The following CENPF variants were observed in gnomAD, a reference collection of about 807,000 sequenced individuals.
CENPF encodes centromere protein F.
A neutral mutation model predicts 307.3 loss-of-function variants in CENPF; 214 were observed. That is an observed-to-expected ratio of 0.70 (90% CI 0.62 to 0.78). The LOEUF is 0.78. CENPF is among the 30% of genes least tolerant of loss of function. The pLI is 0.00. For synonymous variants in CENPF, 1,259 were observed against 1,270.6 expected (o/e 0.99, Z 0.19); for missense variants, 3,401 against 3,483.9 (o/e 0.98, Z 0.60).
chr1:214,608,577 G>A, intron 1 of CENPF: 3 of 1,610,096 alleles, frequency 1.9e-6, no homozygotes, highest in Non-Finnish European at 2.5e-6. Context: ...TGGTGGGGAA[G>A]ACCTCAATGG....
In CENPF at chr1:214,664,084, A is replaced by G; in HGVS notation, c.*290A>G. ...TGTTACAATTAAAATGACAAGCACT[A>G]TATCACAATCTCTGTTTGTATGTGG... On this transcript the variant is annotated 3_prime_UTR_variant, in exon 20 of 20. Transcript: ENST00000366955. The G allele has an allele frequency of 3.9e-6, 1 of 258,780 alleles. No individual in the cohort carries two copies. The highest frequency in any genetic ancestry group is 7.3e-6 in the Non-Finnish European group (1 of 137,598). 16.0% of individuals were successfully genotyped at this position (258,780 alleles called of 1,614,324 possible).
chr1:214,655,352 C>A lies in CENPF; in HGVS notation c.8434C>A (p.Leu2812Met). The A allele has an allele frequency of 6.2e-7, 1 of 1,609,682 alleles. No individual in the cohort carries two copies. The highest frequency in any genetic ancestry group is 1.1e-5 in the South Asian group (1 of 90,068). The change falls in exon 17 of 20, where the codon CTG becomes ATG. Residue 2812 changes from leucine to methionine, a missense_variant. Coordinates refer to ENST00000366955, the MANE Select transcript of CENPF (RefSeq NM_016343.4). ...CKQLEEEKEI[L>M]QKELSQLQAA... is the part of the protein sequence containing the mutation. ...ACAGCTGGAAGAGGAAAAGGAGATA[C>A]TGCAGAAAGAACTCTCTCAACTTCA...
chr1:214,616,901 CTTTCTTTCTTTCTTTCTTTCTTCT>C (rs1558170984), intron 3 of CENPF, among the ~76,000 whole-genome samples: 16 of 70,476 alleles, frequency 2.3e-4, no homozygotes, highest in Admixed American at 4.2e-4. Context: ...TTCTTTCTTT[CTTTCTTTCTTTCTTTCTTTCTTCT>C]TTCTTTCCAC....
chr1:214,651,856 C>G lies in CENPF; in HGVS notation c.8130C>G (p.His2710Gln). The G allele has an allele frequency of 6.2e-7, 1 of 1,608,606 alleles. No individual in the cohort carries two copies. The highest frequency in any genetic ancestry group is 8.5e-7 in the Non-Finnish European group (1 of 1,178,560). The change falls in exon 15 of 20, where the codon CAC becomes CAG. Residue 2710 changes from histidine to glutamine, a missense_variant. Transcript: ENST00000366955. ...QLRLHEAEKK[H>Q]QALLLDTNKQ... ...GGCTTCATGAAGCTGAAAAGAAACA[C>G]CAGGCTTTGCTTTTGGACACAAACA...
chr1:214,631,984 C>T (rs1365991602), intron 9 of CENPF, among the ~76,000 whole-genome samples: 1 of 152,172 alleles, frequency 6.6e-6, no homozygotes, highest in African/African-American at 2.4e-5. Context: ...TTTTAATTCA[C>T]ACTTCCTTGA....
chr1:214,658,798 T>G, intron 18 of CENPF, 52 bp from the exon 19 acceptor site: 3 of 1,556,232 alleles, frequency 1.9e-6, no homozygotes, highest in Non-Finnish European at 2.6e-6. Context: ...TCTTTTCCAC[T>G]GTAGATAGAA....
At chr1:214,608,956 C>A (rs1657121321) in intron 1 of CENPF, 3 of 1,017,540 alleles carry the variant, frequency 2.9e-6, no homozygotes, top group South Asian at 2.2e-5. Flanking sequence ...GGGAGGGCGC[C>A]CCCCCAGCTA....
chr1:214,653,056 A>G lies in CENPF; in HGVS notation c.8322+67A>G, dbSNP rs772538989. 7.2e-6 allele frequency: 10 copies of G among 1,380,898 alleles called. No individual in the cohort carries two copies. In the East Asian group the frequency reaches 9.3e-5, roughly 13 times the overall value. The allele number at this position is 1,380,898 out of a possible 1,614,324, so 85.5% of individuals were successfully genotyped here. On this transcript the variant is annotated intron_variant, in intron 16 of 19. Coordinates refer to ENST00000366955, the MANE Select transcript of CENPF (RefSeq NM_016343.4). ...TACAGGTGGTAGTGATTTTAATGGT[A>G]TAGCATTAAACGTTTTCATTTTCAT...
In CENPF at chr1:214,660,517, C is replaced by T. The variant is rs116950668; in HGVS notation, c.9141+1489C>T. On this transcript the variant is annotated intron_variant, in intron 19 of 19. Coordinates refer to ENST00000366955, the MANE Select transcript of CENPF (RefSeq NM_016343.4). ...TTTTAAGCAACTAGTGCCCCTAAAC[C>T]GTGGAGCTACCAAGCTTGTCCAAAG... Among the ~76,000 whole-genome samples the T allele has an allele frequency of 9.2e-5, 14 of 152,264 alleles. No homozygotes were observed. In the East Asian group the frequency reaches 1.7e-3, roughly 19 times the overall value.
intron 15 of CENPF, among the ~76,000 whole-genome samples, chr1:214,652,483 A>G (rs1253893365): frequency 7.4e-6 from 1 of 134,288 alleles, no homozygotes; most frequent in Non-Finnish European, 1.5e-5. Context: ...TCACTCTGTC[A>G]CCCAGGCTAG....
At chr1:214,662,839 G>A (rs771200285) in intron 19 of CENPF, among the ~76,000 whole-genome samples, 28 of 151,528 alleles carry the variant, frequency 1.8e-4, no homozygotes, top group Middle Eastern at 3.4e-3. Flanking sequence ...GAGTGCAGTG[G>A]CACTATCACG....
Position 214,645,804 on chromosome 1 carries a change from A to G in CENPF, c.6234A>G (p.Arg2078=). ...LVKESESLQA[R]LSESDYEKLN... ...AGGAATCTGAAAGCCTGCAGGCCAG[A>G]CTGAGTGAATCAGATTATGAAAAGC... Residue 2078 remains arginine, a synonymous_variant, in exon 13 of 20, where the codon AGA becomes AGG. Coordinates refer to ENST00000366955, the MANE Select transcript of CENPF (RefSeq NM_016343.4). 6.2e-7 allele frequency: 1 copy of G among 1,614,200 alleles called. No homozygotes were observed. The highest frequency in any genetic ancestry group is 8.5e-7 in the Non-Finnish European group (1 of 1,180,022).
At chr1:214,643,384 A>G in intron 12 of CENPF, 60 bp downstream of exon 12, 1 of 1,308,622 alleles carries the variant, frequency 7.6e-7, no homozygotes, top group Non-Finnish European at 1.0e-6. Context: ...ACACTCAGTA[A>G]ATGTTTGTCT....
Position 214,619,211 on chromosome 1 carries a change from G to T in CENPF, c.564G>T (p.Leu188Phe), listed in dbSNP as rs1219964224. The T allele has an allele frequency of 6.5e-7, 1 of 1,533,712 alleles. No homozygotes were observed. The highest frequency in any genetic ancestry group is 9.0e-7 in the Non-Finnish European group (1 of 1,113,344). The change falls in exon 5 of 20, where the codon TTG becomes TTT. Residue 188 changes from leucine (L) to phenylalanine (F), a missense_variant. Leu to Phe is a conservative substitution (Grantham distance 22). Transcript: ENST00000366955. ...RKRLEAEVKA[L>F]QAKKASQTLP... ...GATTAGAGGCAGAGGTTAAAGCCTT[G>T]CAGGCTAAAGTAAGTTAATTATGGG...
At chr1:214,660,123 C>T (rs148945692) in intron 19 of CENPF, among the ~76,000 whole-genome samples, 1 of 152,256 alleles carries the variant, frequency 6.6e-6, no homozygotes, top group African/African-American at 2.4e-5. Flanking sequence ...ATTTCTTGAT[C>T]TAAACATCAC....
In CENPF at chr1:214,620,667, A is replaced by C. The variant is rs1213898878; in HGVS notation, c.586A>C (p.Thr196Pro). The C allele has an allele frequency of 2.5e-6, 4 of 1,612,560 alleles. No individual in the cohort carries two copies. The highest frequency in any genetic ancestry group is 3.4e-6 in the Non-Finnish European group (4 of 1,179,428). Residue 196 changes from threonine (T) to proline (P), a missense_variant, in exon 6 of 20, where the codon ACT becomes CCT. Thr to Pro is a conservative substitution (Grantham distance 38). Transcript: ENST00000366955. ...KALQAKKASQ[T>P]LPQATMNHRD... ...TCTGTTTCTACAGAAAGCAAGCCAG[A>C]CTCTTCCACAAGCCACCATGAATCA...
At chr1:214,630,278 A>T (rs1657769507) in intron 8 of CENPF, among the ~76,000 whole-genome samples, 1 of 152,168 alleles carries the variant, frequency 6.6e-6, no homozygotes, top group African/African-American at 2.4e-5. Flanking sequence ...ACTGAAGATG[A>T]GGTGGAAACA....
In CENPF at chr1:214,642,168, A is replaced by T. The variant is rs1558183580; in HGVS notation, c.3830A>T (p.His1277Leu). 6.2e-7 allele frequency: 1 copy of T among 1,614,158 alleles called. No individual in the cohort carries two copies. Among genetic ancestry groups the T allele is most frequent in the Non-Finnish European group, 8.5e-7 (1 of 1,180,012 alleles). ...DAEEKYISGP[H>L]ELSTSQNDNA... ...GAAGAAAAGTATATTTCAGGGCCTC[A>T]TGAGTTGTCAACAAGTCAAAACGAC... The change falls in exon 12 of 20, where the codon CAT (histidine) becomes CTT (leucine). Residue 1277 changes from histidine to leucine, a missense_variant. Coordinates refer to ENST00000366955, the MANE Select transcript of CENPF (RefSeq NM_016343.4).
chr1:214,614,988 G>T lies in CENPF; in HGVS notation c.319G>T (p.Gly107Cys). 2 of 1,602,358 alleles carry T rather than the reference G, an allele frequency of 1.2e-6. No individual in the cohort carries two copies. The highest frequency in any genetic ancestry group is 2.3e-5 in the South Asian group (2 of 88,002). The part of the protein sequence containing the change: ...VNFQEGQLNS[G>C]KKQIEKLEQE... ...TTTCCAGGAAGGACAACTGAATTCA[G>T]GCAAAAAACAAATAGAAAAACTGGA... is the stretch of plus-strand genomic sequence containing the variant. Residue 107 changes from glycine to cysteine, a missense_variant, in exon 3 of 20, where the codon GGC (glycine) becomes TGC (cysteine). Gly to Cys is a radical substitution (Grantham distance 159). Coordinates refer to ENST00000366955, the MANE Select transcript of CENPF (RefSeq NM_016343.4).
Sources: gnomAD v4.1 joint callset for allele counts (sites outside exome capture counted in the v4.1 genomes callset) on GRCh38, gnomAD v4.1.1 for gene constraint, MANE v1.5 for transcripts, NCBI Gene and HGNC (gene_info 2026-07-23, HGNC 2026-07-21) for gene names.